The following MYBPHL variants were observed in gnomAD, a reference collection of about 807,000 sequenced individuals.
MYBPHL encodes the protein myosin-binding protein H-like.
MYBPHL carries 32 observed loss-of-function variants against 39.5 expected under a neutral mutation model. The observed-to-expected ratio is 0.81, with a 90% CI of 0.61 to 1.09. The LOEUF (loss-of-function observed/expected upper bound fraction) is 1.09, where lower values mean the gene tolerates loss of function less well. MYBPHL is among the 50% of genes least tolerant of loss of function. The probability of loss-of-function intolerance (pLI) is 0.00; values close to 1 mark genes in which losing one functional copy is unlikely to be tolerated. For synonymous variants in MYBPHL, 196 were observed against 183.7 expected (o/e 1.07, Z -0.54); for missense variants, 456 against 460.2 (o/e 0.99, Z 0.08).
chr1:109,302,584 C>T (rs1220729503), intron 1 of MYBPHL, among the ~76,000 whole-genome samples: 1 of 152,134 alleles, frequency 6.6e-6, no homozygotes, highest in African/African-American at 2.4e-5. Context: ...GTATGCCTCT[C>T]CAGGCATAAC....
chr1:109,296,253 C>T lies in MYBPHL; in HGVS notation c.848G>A (p.Cys283Tyr), dbSNP rs747346116. 6.2e-7 allele frequency: 1 copy of T among 1,613,814 alleles called. No homozygotes were observed. Among genetic ancestry groups the T allele is most frequent in the South Asian group, 1.1e-5 (1 of 91,054 alleles). ...ACTCACCCGGGGAGAGGCGCGGACA[C>T]AGCAGAAGAGCTGGGTATTATAGCC... The part of the protein sequence containing the change: ...VTGYNTQLFC[C>Y]VRASPRPKII... Residue 283 changes from cysteine (C) to tyrosine (Y), a missense_variant, in exon 6 of 9, where the codon TGT becomes TAT. By Grantham distance (194) the Cys-to-Tyr change is radical. Transcript: ENST00000357155.
chr1:109,297,390 G>T (rs1295414739), intron 3 of MYBPHL, 32 bp downstream of exon 3: 1 of 1,594,832 alleles, frequency 6.3e-7, no homozygotes, highest in Non-Finnish European at 8.6e-7. Flanking sequence ...AGTTCCTGAG[G>T]ACCCCCCCAT....
chr1:109,300,663 T>G (rs938962117), intron 1 of MYBPHL, among the ~76,000 whole-genome samples: 1 of 152,166 alleles, frequency 6.6e-6, no homozygotes, highest in Non-Finnish European at 1.5e-5. Flanking sequence ...ATGTGGAACA[T>G]AAGCTAAGGT....
chr1:109,294,376 C>T (rs568879534), intron 7 of MYBPHL, 127 bp from the exon 8 acceptor site: 1 of 818,826 alleles, frequency 1.2e-6, no homozygotes, highest in East Asian at 2.6e-5. Flanking sequence ...ATTAGGTAGT[C>T]TATACATAGA....
chr1:109,301,055 C>T (rs182279733), intron 1 of MYBPHL, among the ~76,000 whole-genome samples: 1 of 152,316 alleles, frequency 6.6e-6, no homozygotes, highest in East Asian at 1.9e-4. Flanking sequence ...GCTCTCCAAT[C>T]GCCTCTCAAC....
At chr1:109,298,813 TC>T (rs1479418575) in intron 1 of MYBPHL, among the ~76,000 whole-genome samples, 1 of 151,286 alleles carries the variant, frequency 6.6e-6, no homozygotes, top group African/African-American at 2.4e-5. Flanking sequence ...CGTGTCTGGG[TC>T]CCTTCCTCTG....
intron 8 of MYBPHL, among the ~76,000 whole-genome samples, chr1:109,293,352 C>T (rs1657931028): frequency 6.6e-6 from 1 of 152,164 alleles, no homozygotes; most frequent in Admixed American, 6.5e-5. Context: ...TAATTCCTAC[C>T]ATCGACTTGA....
At chr1:109,294,487 A>G (rs1196154943) in intron 7 of MYBPHL, among the ~76,000 whole-genome samples, 2 of 152,200 alleles carry the variant, frequency 1.3e-5, no homozygotes, top group African/African-American at 2.4e-5. Flanking sequence ...CTGGGGGGAC[A>G]AAGGCAAATA....
At position 109,298,230 on chromosome 1, in the gene MYBPHL, G is replaced by C. The variant is rs199935853; in HGVS notation, c.173C>G (p.Ala58Gly). The C allele has an allele frequency of 3.7e-6, 6 of 1,610,370 alleles. No homozygotes were observed. The Admixed American group carries it at 1.0e-4, about 27-fold the overall frequency. The part of the protein sequence containing the change: ...EEHPKIWLPR[A>G]LRQTYIRKVG... ...CTTCCGGATGTAGGTCTGCCTCAGGGCCCGAGGTAGCCAGATCTTGGGGTG... is the reference window on the plus strand; with the variant it reads ...CTTCCGGATGTAGGTCTGCCTCAGGCCCCGAGGTAGCCAGATCTTGGGGTG... The change falls in exon 2 of 9, where the codon GCC becomes GGC. Residue 58 changes from alanine (A) to glycine (G), a missense_variant. Physicochemically the swap from Ala to Gly is moderately conservative, Grantham distance 60. Coordinates refer to ENST00000357155, the MANE Select transcript of MYBPHL (RefSeq NM_001010985.3).
chr1:109,297,497 C>T lies in MYBPHL; in HGVS notation c.355G>A (p.Asp119Asn), dbSNP rs1411879521. ...ACGCGGAGTTGGTAGCGACCTGAGT[C>T]AGCACGTTGGGCTTCTCGGATGAAG... ...ILFIREAQRA[D>N]SGRYQLRVQL... is the part of the protein sequence containing the mutation. The change falls in exon 3 of 9, where the codon GAC (aspartate) becomes AAC (asparagine). Residue 119 changes from aspartate to asparagine, a missense_variant. Coordinates refer to ENST00000357155, the MANE Select transcript of MYBPHL (RefSeq NM_001010985.3). 5 of 1,613,740 alleles carry T rather than the reference C, an allele frequency of 3.1e-6. No individual in the cohort carries two copies. In the South Asian group the frequency reaches 3.3e-5, roughly 11 times the overall value.
chr1:109,297,186 C>T lies in MYBPHL; in HGVS notation c.434G>A (p.Arg145Lys). Residue 145 changes from arginine to lysine, a missense_variant, in exon 4 of 9, where the codon AGG becomes AAG. Physicochemically the swap from Arg to Lys is conservative, Grantham distance 26 (BLOSUM62 2). Transcript: ENST00000357155. ...TATIDILVIE[R>K]PGPPQSIKLV... is the part of the protein sequence containing the mutation. Reference sequence around the variant, plus strand: ...CTTAATACTCTGAGGAGGGCCTGGCCTCTCTGAAAGGGCAAAGCCATGGCA... The same window carrying T: ...CTTAATACTCTGAGGAGGGCCTGGCTTCTCTGAAAGGGCAAAGCCATGGCA... 1 of 1,614,220 alleles carries T rather than the reference C, an allele frequency of 6.2e-7. No individual in the cohort carries two copies.
chr1:109,302,719 C>T (rs1319748176), intron 1 of MYBPHL, among the ~76,000 whole-genome samples: 3 of 152,162 alleles, frequency 2.0e-5, no homozygotes, highest in Non-Finnish European at 4.4e-5. Context: ...TTCTCTAGAC[C>T]AAGAGCTACA....
At chr1:109,302,617 G>A (rs1465230513) in intron 1 of MYBPHL, among the ~76,000 whole-genome samples, 3 of 152,030 alleles carry the variant, frequency 2.0e-5, no homozygotes, top group Admixed American at 1.3e-4. Context: ...CAACACCCAT[G>A]TTTCCAGTCC....
At chr1:109,297,676 G>A in intron 2 of MYBPHL, 59 bp from the exon 3 acceptor site, 1 of 1,486,098 alleles carries the variant, frequency 6.7e-7, no homozygotes, top group Non-Finnish European at 9.2e-7. Context: ...TCTCCCTGCT[G>A]CTGTAGGGGT....
At chr1:109,305,314 T>C (rs1374680695) in intron 1 of MYBPHL, among the ~76,000 whole-genome samples, 1 of 152,218 alleles carries the variant, frequency 6.6e-6, no homozygotes, top group Non-Finnish European at 1.5e-5. Flanking sequence ...GCACATATAT[T>C]TTGCAAAGTA....
At position 109,297,560 on chromosome 1, in the gene MYBPHL, G is replaced by A. The variant is rs374366281; in HGVS notation, c.292C>T (p.Arg98Cys). ...TGCTCCCCATTCCGCACACTCACAC[G>A]CCTGGTGTCCAAGGCACAGCCATCA... is the stretch of plus-strand genomic sequence containing the variant. ...THDGCALDTR[R>C]VSVRNGEQDS... The change falls in exon 3 of 9, where the codon CGT becomes TGT. Residue 98 changes from arginine (R) to cysteine (C), a missense_variant. By Grantham distance (180) the Arg-to-Cys change is radical (BLOSUM62 -3). Transcript: ENST00000357155. 34 of 1,613,886 alleles carry A rather than the reference G, an allele frequency of 2.1e-5. No individual in the cohort carries two copies. In the East Asian group the frequency reaches 4.0e-4, roughly 19 times the overall value.
chr1:109,293,656 C>T (rs1292321147), intron 8 of MYBPHL, among the ~76,000 whole-genome samples: 1 of 152,026 alleles, frequency 6.6e-6, no homozygotes, highest in Non-Finnish European at 1.5e-5. Context: ...AGGAGAATGG[C>T]ATGAACCCGG....
intron 8 of MYBPHL, 125 bp downstream of exon 8, chr1:109,294,081 A>T (rs937059637): frequency 1.5e-6 from 1 of 674,492 alleles, no homozygotes; most frequent in Non-Finnish European, 2.7e-6. Context: ...AAATGGTTAC[A>T]ACAAAAGTGG....
intron 7 of MYBPHL, 114 bp from the exon 8 acceptor site, chr1:109,294,363 C>A: frequency 1.1e-6 from 1 of 936,318 alleles, no homozygotes; most frequent in Non-Finnish European, 1.7e-6. Flanking sequence ...GTCAATGGTG[C>A]TAATTAGGTA....
Sources: allele counts gnomAD v4.1 joint callset (sites outside exome capture counted in the v4.1 genomes callset), GRCh38; gene constraint gnomAD v4.1.1; transcripts MANE v1.5; gene names NCBI Gene and HGNC (gene_info 2026-07-23, HGNC 2026-07-21).